PCDH7: variants seen among roughly 807,000 people sequenced by gnomAD.
PCDH7 encodes the protein protocadherin-7.
A neutral mutation model predicts 58.9 loss-of-function variants in PCDH7; 17 were observed. That is an observed-to-expected ratio of 0.29 (90% confidence interval 0.20 to 0.43). The LOEUF (loss-of-function observed/expected upper bound fraction) is 0.43. PCDH7 is among the 20% of genes least tolerant of loss of function. PCDH7 has a pLI of 1.00. For missense variants in PCDH7, 1,274 were observed against 1,441.0 expected (o/e 0.88, Z 1.88); for synonymous variants, 664 against 616.4 (o/e 1.08, Z -1.14).
intron 3 of PCDH7, among the ~76,000 whole-genome samples, chr4:31,123,042 A>G (rs1204026225): frequency 6.6e-6 from 1 of 152,018 alleles, no homozygotes; most frequent in Non-Finnish European, 1.5e-5. Context: ...GCTTCTTACA[A>G]TGTGCATTTT....
chr4:30,771,493 G>A (rs1355002224), intron 1 of PCDH7, among the ~76,000 whole-genome samples: 2 of 152,142 alleles, frequency 1.3e-5, no homozygotes, highest in African/African-American at 4.8e-5. Context: ...GTGGGGGCTG[G>A]GGGTTAGAAG....
At chr4:30,874,417 C>A (rs1736018285) in intron 1 of PCDH7, among the ~76,000 whole-genome samples, 1 of 151,724 alleles carries the variant, frequency 6.6e-6, no homozygotes, top group South Asian at 2.1e-4. Flanking sequence ...GGAAATCATC[C>A]TTCTCAGTAA....
chr4:30,820,328 A>T (rs866649142), intron 1 of PCDH7, among the ~76,000 whole-genome samples: 65 of 152,218 alleles, frequency 4.3e-4, no homozygotes, highest in African/African-American at 9.6e-4. Context: ...GCATTTTTTT[A>T]AAAAATGAAA....
intron 3 of PCDH7, among the ~76,000 whole-genome samples, chr4:31,076,521 G>A (rs1337803317): frequency 6.6e-6 from 1 of 152,042 alleles, no homozygotes; most frequent in African/African-American, 2.4e-5. Flanking sequence ...TGGTGTTGAA[G>A]CTTTCTCATC....
chr4:30,821,479 A>G (rs998479189), intron 1 of PCDH7, among the ~76,000 whole-genome samples: 2 of 152,212 alleles, frequency 1.3e-5, no homozygotes, highest in African/African-American at 4.8e-5. Context: ...GAAAATAAAA[A>G]TGAGGCTAGA....
chr4:30,842,224 G>A (rs1231210179), intron 1 of PCDH7, among the ~76,000 whole-genome samples: 1 of 151,864 alleles, frequency 6.6e-6, no homozygotes, highest in African/African-American at 2.4e-5. Context: ...ATTTTATATG[G>A]TGCTCTGTAT....
chr4:30,927,802 C>T (rs1744075271), intron 2 of PCDH7, among the ~76,000 whole-genome samples: 2 of 151,828 alleles, frequency 1.3e-5, no homozygotes, highest in Non-Finnish European at 2.9e-5. Context: ...CCACTATTGT[C>T]CTATGACCCT....
chr4:30,828,531 G>A (rs1041521235), intron 1 of PCDH7, among the ~76,000 whole-genome samples: 8 of 151,664 alleles, frequency 5.3e-5, no homozygotes, highest in Non-Finnish European at 1.0e-4. Flanking sequence ...GAGAATGCAT[G>A]TGTTCATCAT....
At chr4:30,760,205 C>G (rs568445242) in intron 1 of PCDH7, among the ~76,000 whole-genome samples, 2 of 152,178 alleles carry the variant, frequency 1.3e-5, no homozygotes, top group Non-Finnish European at 2.9e-5. Context: ...TGTCACAGCT[C>G]TTGCTGAAGG....
intron 3 of PCDH7, among the ~76,000 whole-genome samples, chr4:30,967,823 A>G (rs974501620): frequency 3.3e-5 from 5 of 152,124 alleles, no homozygotes; most frequent in Non-Finnish European, 7.4e-5. Flanking sequence ...TACACCCCCA[A>G]TTAAGACAAA....
intron 3 of PCDH7, among the ~76,000 whole-genome samples, chr4:31,015,304 T>A (rs558309066): frequency 6.6e-6 from 1 of 152,278 alleles, no homozygotes; most frequent in East Asian, 1.9e-4. Flanking sequence ...CACTTTATGA[T>A]GAAATGCCAA....
At chr4:31,073,251 A>G (rs1758701285) in intron 3 of PCDH7, among the ~76,000 whole-genome samples, 1 of 152,220 alleles carries the variant, frequency 6.6e-6, no homozygotes, top group African/African-American at 2.4e-5. Flanking sequence ...GCAGAGAAGC[A>G]AAAAGATCTT....
At chr4:31,118,119 A>G (rs1482298272) in intron 3 of PCDH7, among the ~76,000 whole-genome samples, 1 of 152,186 alleles carries the variant, frequency 6.6e-6, no homozygotes. Flanking sequence ...CATAGTAACT[A>G]TTTGTTGAAT....
In PCDH7 at chr4:30,843,736, T is replaced by C. The variant is rs982829335; in HGVS notation, c.71-76417T>C. ...GGTACATTTGGGCTGAGATTGCAAT[T>C]TACCTTTTCATCAAGATTTGGATGG... On this transcript the variant is annotated intron_variant, in intron 1 of 3. Transcript: ENST00000509759. Among the ~76,000 whole-genome samples the C allele has an allele frequency of 7.2e-5, 11 of 152,116 alleles. 1 individual carries two copies. Among genetic ancestry groups the C allele is most frequent in the Non-Finnish European group, 1.6e-4 (11 of 68,016 alleles).
rs1367062298 is a variant in PCDH7, at chr4:30,759,859, A to T, written c.70+35263A>T. On this transcript the variant is annotated intron_variant, in intron 1 of 3. Transcript: ENST00000509759. Reference sequence around the variant, plus strand: ...TTTTGTAAGATTAGATACATCTTACATATTACTTTTTGATCATAACTCATG... The same window carrying T: ...TTTTGTAAGATTAGATACATCTTACTTATTACTTTTTGATCATAACTCATG... Among the ~76,000 whole-genome samples, 3 of 152,276 alleles carry T rather than the reference A, an allele frequency of 2.0e-5. No homozygotes were observed. The East Asian group carries it at 5.8e-4, about 29-fold the overall frequency.
intron 1 of PCDH7, among the ~76,000 whole-genome samples, chr4:30,890,468 T>C (rs1738469224): frequency 8.6e-6 from 1 of 116,130 alleles, no homozygotes; most frequent in South Asian, 2.3e-4. Context: ...TGCACTAGAT[T>C]TCATCGTTTA....
intron 1 of PCDH7, among the ~76,000 whole-genome samples, chr4:30,772,625 C>A (rs1482373057): frequency 1.3e-5 from 2 of 152,146 alleles, no homozygotes; most frequent in African/African-American, 2.4e-5. Context: ...AGTCATGAGG[C>A]AGGAATATGC....
In PCDH7 at chr4:30,773,434, C is replaced by T. The variant is rs148186389; in HGVS notation, c.70+48838C>T. Among the ~76,000 whole-genome samples the T allele has an allele frequency of 4.6e-3, 699 of 152,114 alleles. 5 individuals are homozygous for T. The highest frequency in any genetic ancestry group is 0.016 in the African/African-American group (663 of 41,492). On this transcript the variant is annotated intron_variant, in intron 1 of 3. Coordinates refer to the PCDH7 transcript ENST00000509759. ...AGTGTCTGTTAGTAGCATCATGGAC[C>T]TCTCATAATCATACATTGTGTTTTT...
intron 1 of PCDH7, among the ~76,000 whole-genome samples, chr4:30,902,188 T>C (rs1432229428): frequency 2.0e-5 from 3 of 152,210 alleles, no homozygotes; most frequent in Non-Finnish European, 2.9e-5. Flanking sequence ...CGTTATGTTC[T>C]GGGAAATGTC....
Sources: gnomAD v4.1 joint callset for allele counts (sites outside exome capture counted in the v4.1 genomes callset) on GRCh38, gnomAD v4.1.1 for gene constraint, MANE v1.5 for transcripts, NCBI Gene and HGNC (gene_info 2026-07-23, HGNC 2026-07-21) for gene names.